PKHD1: variants seen among roughly 807,000 people sequenced by gnomAD.
PKHD1 encodes the protein PKHD1 ciliary IPT domain containing fibrocystin/polyductin, also known as fibrocystin.
PKHD1 carries 291 observed loss-of-function variants against 412.0 expected under a neutral mutation model. That is an observed-to-expected ratio of 0.71 (90% CI 0.64 to 0.78). The LOEUF is 0.78. Among genes scored for constraint, PKHD1 ranks in the 30% least tolerant of loss-of-function variants. The pLI, the probability that PKHD1 is intolerant of heterozygous loss-of-function variation, is 0.00. For synonymous variants in PKHD1, 1,777 were observed against 1,821.5 expected, an observed-to-expected ratio of 0.98 and a Z score of 0.62; for missense variants, 4,825 against 4,950.7, an observed-to-expected ratio of 0.97 and a Z score of 0.76.
Position 51,819,111 on chromosome 6 carries a change from G to A in PKHD1, c.8302+11750C>T, listed in dbSNP as rs1279878062. ...CAGAATGGTCGTGAGTGTTAAATTA[G>A]GTGTGAGAACTCTTTGTACTCAAAA... On this transcript the variant is annotated intron_variant, in intron 52 of 66. Transcript: ENST00000371117. 2.0e-5 allele frequency among the ~76,000 whole-genome samples: 3 copies of A among 152,140 alleles called. No individual in the cohort carries two copies. In the East Asian group the frequency reaches 5.8e-4, roughly 29 times the overall value.
chr6:51,753,671 A>G (rs147325432), intron 56 of PKHD1, among the ~76,000 whole-genome samples: 17 of 152,320 alleles, frequency 1.1e-4, no homozygotes, highest in African/African-American at 3.6e-4. Flanking sequence ...GGGGTCCCCA[A>G]CCTGCCTTAA....
At chr6:51,676,150 T>C (rs1217063537) in intron 60 of PKHD1, among the ~76,000 whole-genome samples, 1 of 151,660 alleles carries the variant, frequency 6.6e-6, no homozygotes, top group Non-Finnish European at 1.5e-5. Flanking sequence ...ATATTTGTCC[T>C]TCCTGTCGTG....
At chr6:51,908,140 C>T (rs925058867) in intron 40 of PKHD1, among the ~76,000 whole-genome samples, 1 of 152,094 alleles carries the variant, frequency 6.6e-6, no homozygotes, top group Non-Finnish European at 1.5e-5. Flanking sequence ...CAATCCGAAG[C>T]ACTAGCGGAG....
intron 35 of PKHD1, among the ~76,000 whole-genome samples, chr6:51,971,272 T>C (rs1041745127): frequency 6.6e-6 from 1 of 152,212 alleles, no homozygotes. Context: ...AACAGAAAAT[T>C]AATATGCCAC....
chr6:51,688,980 G>A lies in PKHD1; in HGVS notation c.10157-29011C>T, dbSNP rs535048855. Among the ~76,000 whole-genome samples the A allele has an allele frequency of 1.5e-3, 221 of 152,090 alleles. 1 individual carries two copies. Among genetic ancestry groups the A allele is most frequent in the African/African-American group, 5.0e-3 (206 of 41,492 alleles). On this transcript the variant is annotated intron_variant, in intron 60 of 66. Transcript: ENST00000371117. Reference sequence around the variant, plus strand: ...TTCCAAAAAATTGAGGAGGGACTCCGCACTAACACATTCTATAAGGCCGGC... The same window carrying A: ...TTCCAAAAAATTGAGGAGGGACTCCACACTAACACATTCTATAAGGCCGGC...
chr6:52,059,037 G>A (rs772536624), intron 15 of PKHD1, among the ~76,000 whole-genome samples: 1 of 152,210 alleles, frequency 6.6e-6, no homozygotes. Flanking sequence ...GTGATTCTTT[G>A]TCAATAGCAT....
chr6:51,801,654 T>TGTGTGTGTGTGTGTGTGTGA (rs751203950), intron 52 of PKHD1, among the ~76,000 whole-genome samples: 62 of 114,246 alleles, frequency 5.4e-4, no homozygotes, highest in Non-Finnish European at 8.4e-4. Flanking sequence ...TGTGTGTGTG[T>TGTGTGTGTGTGTGTGTGTGA]GAGAGAGAGA....
chr6:51,697,770 GAA>G (rs1778971674), intron 60 of PKHD1, among the ~76,000 whole-genome samples: 1 of 152,218 alleles, frequency 6.6e-6, no homozygotes, highest in Admixed American at 6.5e-5. Context: ...ACCTCAGCCA[GAA>G]CTCTGACTAT....
intron 52 of PKHD1, among the ~76,000 whole-genome samples, chr6:51,800,169 C>T (rs940690918): frequency 4.6e-5 from 7 of 152,122 alleles, no homozygotes; most frequent in South Asian, 4.1e-4. Flanking sequence ...CTCTTGGTTC[C>T]GAATTACACC....
chr6:51,657,396 C>T (rs538137529), intron 61 of PKHD1, among the ~76,000 whole-genome samples: 56 of 152,114 alleles, frequency 3.7e-4, no homozygotes, highest in Middle Eastern at 3.4e-3. Flanking sequence ...ATTTCTTATT[C>T]GGGAGAAATT....
intron 46 of PKHD1, among the ~76,000 whole-genome samples, chr6:51,881,872 C>G (rs532016214): frequency 8.5e-5 from 13 of 152,248 alleles, no homozygotes; most frequent in Non-Finnish European, 1.5e-4. Flanking sequence ...GGACTCTTGT[C>G]CTGCACTTAC....
At chr6:51,687,893 G>A (rs1035310126) in intron 60 of PKHD1, among the ~76,000 whole-genome samples, 1 of 148,656 alleles carries the variant, frequency 6.7e-6, no homozygotes, top group African/African-American at 2.4e-5. Flanking sequence ...ATTTTCAAAC[G>A]ATGTGGATTA....
chr6:51,889,838 G>C (rs74863373), intron 43 of PKHD1, among the ~76,000 whole-genome samples: 1,526 of 152,254 alleles, frequency 0.01, 28 homozygotes, highest in African/African-American at 0.034. Context: ...TCCTGGTGAA[G>C]TTTTTTGCCA....
At chr6:52,065,242 A>G (rs1236391150) in intron 12 of PKHD1, among the ~76,000 whole-genome samples, 192 bp from the exon 13 acceptor site, 1 of 147,752 alleles carries the variant, frequency 6.8e-6, no homozygotes, top group East Asian at 2.0e-4. Context: ...GCAAGACCAG[A>G]CTGAAGTAGA....
At chr6:51,698,503 G>A (rs981617707) in intron 60 of PKHD1, among the ~76,000 whole-genome samples, 2 of 151,904 alleles carry the variant, frequency 1.3e-5, no homozygotes, top group Non-Finnish European at 1.5e-5. Flanking sequence ...AAAAGCTTCA[G>A]ATAATTACCT....
At chr6:51,681,391 C>A (rs1452147056) in intron 60 of PKHD1, among the ~76,000 whole-genome samples, 5 of 152,016 alleles carry the variant, frequency 3.3e-5, no homozygotes, top group African/African-American at 1.2e-4. Context: ...GTTGACCAAC[C>A]ACTGCTATTG....
chr6:51,749,764 C>A (rs561642990), intron 57 of PKHD1, among the ~76,000 whole-genome samples: 1 of 152,252 alleles, frequency 6.6e-6, no homozygotes, highest in African/African-American at 2.4e-5. Context: ...CCCATGCAGG[C>A]ATCCTGGAAA....
At chr6:52,023,469 T>G (rs1304323748) in intron 32 of PKHD1, among the ~76,000 whole-genome samples, 1 of 152,220 alleles carries the variant, frequency 6.6e-6, no homozygotes, top group African/African-American at 2.4e-5. Flanking sequence ...CTACTTAGAA[T>G]TCCATTATAG....
intron 51 of PKHD1, among the ~76,000 whole-genome samples, chr6:51,834,739 A>G (rs2151538128): frequency 6.6e-6 from 1 of 152,324 alleles, no homozygotes; most frequent in South Asian, 2.1e-4. Flanking sequence ...AGGATATTGT[A>G]CTAAATCTGT....
Sources: gnomAD v4.1 joint callset for allele counts (sites outside exome capture counted in the v4.1 genomes callset) on GRCh38, gnomAD v4.1.1 for gene constraint, MANE v1.5 for transcripts, NCBI Gene and HGNC (gene_info 2026-07-23, HGNC 2026-07-21) for gene names.